The following CACNA1D variants were observed in gnomAD, a reference collection of about 807,000 sequenced individuals.
CACNA1D encodes the protein voltage-dependent L-type calcium channel subunit alpha-1D.
CACNA1D carries 55 observed loss-of-function variants against 257.1 expected under a neutral mutation model. The ratio of observed to expected loss-of-function variants is 0.21; its 90% CI spans 0.17 to 0.27. CACNA1D has a LOEUF of 0.27. Among genes scored for constraint, CACNA1D ranks in the 10% least tolerant of loss-of-function variants. The probability of loss-of-function intolerance (pLI) is 1.00; values close to 1 mark genes in which losing one functional copy is unlikely to be tolerated. For synonymous variants in CACNA1D, 980 were observed against 1,014.9 expected (o/e 0.97, Z 0.65); for missense variants, 1,876 against 2,784.0 (o/e 0.67, Z 7.34).
chr3:53,561,888 T>A (rs576776041), intron 3 of CACNA1D, among the ~76,000 whole-genome samples: 5 of 152,366 alleles, frequency 3.3e-5, no homozygotes, highest in African/African-American at 1.2e-4. Context: ...ATAATTTTTT[T>A]ATCCCTTTTA....
intron 3 of CACNA1D, among the ~76,000 whole-genome samples, chr3:53,615,359 G>A (rs1040529507): frequency 2.0e-5 from 3 of 152,184 alleles, no homozygotes; most frequent in African/African-American, 7.2e-5. Flanking sequence ...TGGCCTCTTT[G>A]CCTAGATTGG....
At chr3:53,577,505 G>A (rs573549119) in intron 3 of CACNA1D, among the ~76,000 whole-genome samples, 1 of 152,304 alleles carries the variant, frequency 6.6e-6, no homozygotes, top group African/African-American at 2.4e-5. Flanking sequence ...TCCCATGGAG[G>A]TATCTAAGTG....
intron 29 of CACNA1D, among the ~76,000 whole-genome samples, chr3:53,759,655 A>G (rs2095288869): frequency 6.6e-6 from 1 of 152,254 alleles, no homozygotes; most frequent in South Asian, 2.1e-4. Context: ...TCCATGAAGA[A>G]AAGGGCAGGC....
intron 11 of CACNA1D, among the ~76,000 whole-genome samples, chr3:53,721,250 T>A (rs2094879944): frequency 6.6e-6 from 1 of 152,236 alleles, no homozygotes; most frequent in African/African-American, 2.4e-5. Context: ...GGTAAAGAGT[T>A]GGCACAACTC....
At chr3:53,808,033 T>G (rs540357848) in intron 45 of CACNA1D, 2 of 154,334 alleles carry the variant, frequency 1.3e-5, no homozygotes, top group Admixed American at 1.3e-4. Context: ...CTGGCAGGAC[T>G]TGTGTTCTTG....
chr3:53,786,899 G>A lies in CACNA1D; in HGVS notation c.4870G>A (p.Glu1624Lys), dbSNP rs2095456495. Residue 1624 changes from glutamate to lysine, a missense_variant, in exon 40 of 48, where the codon GAA becomes AAA. Around this residue, in one of 10 missense-constraint regions of CACNA1D, gnomAD observed 160 missense variants for 236.6 expected, o/e 0.68. Coordinates refer to ENST00000350061, the MANE Select transcript of CACNA1D (RefSeq NM_001128840.3). ...CTTTAGGAAATTCAAGAAACGGAAA[G>A]AACAAGGACTGGTGGGAAAGTACCC... is the stretch of plus-strand genomic sequence containing the variant. ...DYFRKFKKRK[E>K]QGLVGKYPAK... 1 of 1,614,056 alleles carries A rather than the reference G, an allele frequency of 6.2e-7. No homozygotes were observed. The highest frequency in any genetic ancestry group is 1.1e-5 in the South Asian group (1 of 91,070).
chr3:53,686,529 A>G (rs1056112094), intron 8 of CACNA1D, among the ~76,000 whole-genome samples: 1 of 152,102 alleles, frequency 6.6e-6, no homozygotes, highest in African/African-American at 2.4e-5. Context: ...TTGATTCACC[A>G]TTGGAAAATC....
rs545164257 is a variant in CACNA1D at position 53,669,571 on chromosome 3, C to T, written c.1116+3036C>T. Among the ~76,000 whole-genome samples, 13 of 152,304 alleles carry T rather than the reference C, an allele frequency of 8.5e-5. No homozygotes were observed. The East Asian group carries it at 2.3e-3, about 27-fold the overall frequency. On this transcript the variant is annotated intron_variant, in intron 7 of 47. Coordinates refer to ENST00000350061, the MANE Select transcript of CACNA1D (RefSeq NM_001128840.3). The stretch of plus-strand genomic sequence containing the variant: ...TCTAGTCAAGTTTATATTCAGTCAG[C>T]GTTCTCAAGCTCATTTATGCCTTGC...
At chr3:53,580,168 G>C (rs755320699) in intron 3 of CACNA1D, among the ~76,000 whole-genome samples, 4 of 152,218 alleles carry the variant, frequency 2.6e-5, no homozygotes, top group Non-Finnish European at 5.9e-5. Flanking sequence ...CTGAAAAAAT[G>C]AGAGTGCTTT....
chr3:53,641,500 T>G (rs1356894961), intron 3 of CACNA1D, among the ~76,000 whole-genome samples: 3 of 151,936 alleles, frequency 2.0e-5, no homozygotes, highest in South Asian at 2.1e-4. Context: ...CAGTGAGTGG[T>G]GTTGAATTGA....
At chr3:53,557,105 A>G (rs2092658728) in intron 3 of CACNA1D, among the ~76,000 whole-genome samples, 1 of 152,124 alleles carries the variant, frequency 6.6e-6, no homozygotes, top group South Asian at 2.1e-4. Flanking sequence ...TATGAGTTAT[A>G]CTTTTGATGT....
At chr3:53,803,359 T>A (rs2095545920) in intron 43 of CACNA1D, 64 bp from the exon 44 acceptor site, 1 of 1,596,710 alleles carries the variant, frequency 6.3e-7, no homozygotes, top group African/African-American at 1.3e-5. Context: ...CAGGCAGAGG[T>A]GCAGCTGCAG....
chr3:53,559,954 G>A (rs957378410), intron 3 of CACNA1D, among the ~76,000 whole-genome samples: 2 of 149,680 alleles, frequency 1.3e-5, no homozygotes, highest in East Asian at 2.0e-4. Context: ...TACCTGCTCC[G>A]CCTGTGCTGC....
At chr3:53,667,059 C>T (rs1257476276) in intron 7 of CACNA1D, among the ~76,000 whole-genome samples, 2 of 152,124 alleles carry the variant, frequency 1.3e-5, no homozygotes, top group Non-Finnish European at 2.9e-5. Context: ...GATAATATTT[C>T]CCATTCTTTA....
At position 53,710,056 on chromosome 3, in the gene CACNA1D, C is replaced by A. The variant is rs528699294; in HGVS notation, c.1390+7246C>A. 2.0e-5 allele frequency among the ~76,000 whole-genome samples: 3 copies of A among 152,344 alleles called. No homozygotes were observed. The East Asian group carries it at 5.8e-4, about 29-fold the overall frequency. On this transcript the variant is annotated intron_variant, in intron 9 of 47. Coordinates refer to ENST00000350061, the MANE Select transcript of CACNA1D (RefSeq NM_001128840.3). ...TGCTGTTTGGAATCACATATCCAGT[C>A]TGTACAGGGCTCCTGACTCCCCCTA...
chr3:53,704,920 G>A (rs1377721521), intron 9 of CACNA1D, among the ~76,000 whole-genome samples: 3 of 152,212 alleles, frequency 2.0e-5, no homozygotes, highest in South Asian at 2.1e-4. Context: ...AACATTAGTC[G>A]TGGTAGAGTT....
intron 3 of CACNA1D, among the ~76,000 whole-genome samples, chr3:53,592,214 T>C (rs1294460609): frequency 1.3e-5 from 2 of 152,128 alleles, no homozygotes; most frequent in East Asian, 3.9e-4. Flanking sequence ...AGGGAAGACT[T>C]ATGTTGATTG....
At chr3:53,610,874 T>C (rs888563322) in intron 3 of CACNA1D, among the ~76,000 whole-genome samples, 1 of 152,216 alleles carries the variant, frequency 6.6e-6, no homozygotes, top group African/African-American at 2.4e-5. Flanking sequence ...TTCCATTTGG[T>C]GTCATTTTCC....
At chr3:53,597,166 G>A (rs1386186826) in intron 3 of CACNA1D, among the ~76,000 whole-genome samples, 2 of 152,146 alleles carry the variant, frequency 1.3e-5, no homozygotes, top group South Asian at 2.1e-4. Flanking sequence ...GCCTATATGT[G>A]CCAGATGGTG....
Sources: allele counts gnomAD v4.1 joint callset (sites outside exome capture counted in the v4.1 genomes callset), GRCh38; gene constraint gnomAD v4.1.1; regional missense constraint gnomAD v4.1.1; transcripts MANE v1.5; gene names NCBI Gene and HGNC (gene_info 2026-07-23, HGNC 2026-07-21).